PHF14: variants seen among roughly 807,000 people sequenced by gnomAD.
PHF14 encodes the protein PHD finger protein 14.
PHF14 carries 55 observed loss-of-function variants against 117.9 expected under a neutral mutation model. The ratio of observed to expected loss-of-function variants is 0.47; its 90% confidence interval spans 0.38 to 0.58. The LOEUF (loss-of-function observed/expected upper bound fraction) is 0.58. Among genes scored for constraint, PHF14 ranks in the 20% least tolerant of loss-of-function variants. The pLI is 0.00. For missense variants in PHF14, 978 were observed against 1,122.2 expected, an observed-to-expected ratio of 0.87 and a Z score of 1.84; for synonymous variants, 409 against 368.6, an observed-to-expected ratio of 1.11 and a Z score of -1.26.
At chr7:11,049,980 A>G (rs1784800268) in intron 13 of PHF14, among the ~76,000 whole-genome samples, 1 of 152,216 alleles carries the variant, frequency 6.6e-6, no homozygotes, top group African/African-American at 2.4e-5. Flanking sequence ...ACTGATCAGT[A>G]TTTCTAGTGC....
At chr7:11,039,705 T>C (rs1391728931) in intron 11 of PHF14, among the ~76,000 whole-genome samples, 2 of 152,226 alleles carry the variant, frequency 1.3e-5, no homozygotes, top group African/African-American at 4.8e-5. Context: ...TAAGAAGTGA[T>C]ACATACTGAT....
intron 2 of PHF14, among the ~76,000 whole-genome samples, chr7:10,977,671 A>G (rs929407784): frequency 6.6e-6 from 1 of 152,204 alleles, no homozygotes; most frequent in Non-Finnish European, 1.5e-5. Context: ...GATTGAAAGC[A>G]GTCAATAAAG....
At chr7:11,161,372 G>T (rs149227608) in intron 17 of PHF14, among the ~76,000 whole-genome samples, 1 of 152,180 alleles carries the variant, frequency 6.6e-6, no homozygotes, top group East Asian at 1.9e-4. Flanking sequence ...TTCCACAATG[G>T]CCAATCCTAA....
chr7:10,990,921 C>G (rs1172484196), intron 4 of PHF14, 74 bp downstream of exon 4: 10 of 1,009,166 alleles, frequency 9.9e-6, no homozygotes, highest in East Asian at 5.5e-5. Context: ...TAAGGTGGTT[C>G]TACAATATTT....
chr7:11,023,833 A>G (rs1398286644), intron 6 of PHF14, among the ~76,000 whole-genome samples: 1 of 152,204 alleles, frequency 6.6e-6, no homozygotes, highest in East Asian at 1.9e-4. Context: ...ATCTCAAAAA[A>G]AAAGAAAAAG....
At chr7:11,075,695 A>G (rs964310101) in intron 16 of PHF14, among the ~76,000 whole-genome samples, 5 of 151,614 alleles carry the variant, frequency 3.3e-5, no homozygotes, top group Admixed American at 6.6e-5. Flanking sequence ...TTTGGAGGAG[A>G]CATATATCCA....
intron 4 of PHF14, among the ~76,000 whole-genome samples, chr7:11,004,246 C>CAAAAAAAAAAAA (rs55917513): frequency 5.3e-4 from 27 of 51,196 alleles, no homozygotes; most frequent in East Asian, 1.1e-3. Flanking sequence ...GACTTTGTCT[C>CAAAAAAAAAAAA]AAAAAAAAAA....
At chr7:11,018,551 C>G (rs376454768) in intron 5 of PHF14, among the ~76,000 whole-genome samples, 20 of 152,212 alleles carry the variant, frequency 1.3e-4, no homozygotes, top group African/African-American at 4.8e-4. Context: ...AGATTATTCA[C>G]TGTTGTCACG....
chr7:11,071,335 C>A, intron 16 of PHF14: 1 of 511,628 alleles, frequency 2.0e-6, no homozygotes, highest in Non-Finnish European at 3.9e-6. Flanking sequence ...GTAGCATCTT[C>A]TTCCAAGCTA....
intron 5 of PHF14, among the ~76,000 whole-genome samples, chr7:11,016,302 C>T (rs1783532510): frequency 2.0e-5 from 3 of 151,938 alleles, no homozygotes; most frequent in South Asian, 2.1e-4. Context: ...CAAGAAAATT[C>T]GAGAAGCCTT....
intron 4 of PHF14, among the ~76,000 whole-genome samples, chr7:11,004,395 A>G (rs1314877241): frequency 1.4e-5 from 2 of 144,174 alleles, no homozygotes; most frequent in Non-Finnish European, 3.0e-5. Context: ...ATACACAAAT[A>G]TATATTTTTA....
chr7:11,035,336 C>A (rs564024673), intron 7 of PHF14, among the ~76,000 whole-genome samples: 58 of 152,066 alleles, frequency 3.8e-4, no homozygotes, highest in African/African-American at 1.4e-3. Context: ...AACCAGTCCC[C>A]CATGGATATT....
intron 7 of PHF14, among the ~76,000 whole-genome samples, chr7:11,029,653 G>A (rs1016411380): frequency 6.6e-6 from 1 of 152,054 alleles, no homozygotes; most frequent in Non-Finnish European, 1.5e-5. Context: ...AAAATTTTCA[G>A]TTTTAATTTT....
intron 4 of PHF14, among the ~76,000 whole-genome samples, chr7:11,003,737 T>TA (rs1782964544): frequency 6.6e-6 from 1 of 152,206 alleles, no homozygotes; most frequent in Non-Finnish European, 1.5e-5. Flanking sequence ...ATTAATTCAT[T>TA]AAAATATTCT....
chr7:10,988,235 G>A (rs1047452455), intron 3 of PHF14, among the ~76,000 whole-genome samples: 1 of 152,090 alleles, frequency 6.6e-6, no homozygotes, highest in Admixed American at 6.6e-5. Context: ...ATTAGTTAAT[G>A]TTGTTTTCTC....
intron 16 of PHF14, among the ~76,000 whole-genome samples, chr7:11,071,034 G>A (rs1785598287): frequency 6.6e-6 from 1 of 152,174 alleles, no homozygotes. Flanking sequence ...GTGACAAATA[G>A]TGGTTTTTGA....
chr7:11,040,116 A>G (rs887894379), intron 11 of PHF14, among the ~76,000 whole-genome samples: 6 of 152,116 alleles, frequency 3.9e-5, no homozygotes, highest in Admixed American at 2.0e-4. Flanking sequence ...TACTGCTTGC[A>G]TGACACTTTT....
intron 3 of PHF14, among the ~76,000 whole-genome samples, chr7:10,985,857 T>C (rs543492911): frequency 6.6e-6 from 1 of 152,228 alleles, no homozygotes; most frequent in East Asian, 1.9e-4. Flanking sequence ...TTCACCATGT[T>C]GGCCAGGCTG....
intron 17 of PHF14, among the ~76,000 whole-genome samples, chr7:11,143,976 C>T (rs1429403629): frequency 1.3e-5 from 2 of 152,052 alleles, no homozygotes; most frequent in African/African-American, 4.8e-5. Context: ...GCAGAGTATT[C>T]ACCCAGTAAG....
Sources: gnomAD v4.1 joint callset for allele counts (sites outside exome capture counted in the v4.1 genomes callset) on GRCh38, gnomAD v4.1.1 for gene constraint, MANE v1.5 for transcripts, NCBI Gene and HGNC (gene_info 2026-07-23, HGNC 2026-07-21) for gene names.